Variants in IKZF5 observed in about 807,000 individuals in gnomAD.
IKZF5 encodes zinc finger protein Pegasus.
A neutral mutation model predicts 30.7 loss-of-function variants in IKZF5; 4 were observed. That is an observed-to-expected ratio of 0.13 (90% CI 0.06 to 0.30). IKZF5 has a LOEUF of 0.30. IKZF5 is among the 10% of genes least tolerant of loss of function. The pLI is 1.00. For missense variants in IKZF5, 348 were observed against 525.5 expected, an observed-to-expected ratio of 0.66 and a Z score of 3.30; for synonymous variants, 148 against 179.6, an observed-to-expected ratio of 0.82 and a Z score of 1.41.
Position 122,994,472 on chromosome 10 carries a change from C to T in IKZF5, c.568G>A (p.Gly190Ser). ...GVLQKKTSNL[G>S]YSRRALINLS... ...TTGATTAGTGCTCTTCTGCTATAGC[C>T]CAGATTGCTTGTTTTCTTCTGTAAA... Residue 190 changes from glycine (G) to serine (S), a missense_variant, in exon 5 of 5, where the codon GGC becomes AGC. Around this residue, in one of 4 missense-constraint regions of IKZF5, gnomAD observed 176 missense variants for 198.2 expected, o/e 0.89. Transcript: ENST00000368886. This position sits in a 1 kb window ranked among gnomAD's most constrained non-coding sequence, Gnocchi z 5.6. 1.2e-6 allele frequency: 2 copies of T among 1,614,056 alleles called. No homozygotes were observed. Among genetic ancestry groups the T allele is most frequent in the Non-Finnish European group, 1.7e-6 (2 of 1,179,998 alleles).
chr10:122,998,689 T>A lies in IKZF5; in HGVS notation c.-46-18A>T, dbSNP rs1849477537. On this transcript the variant is annotated intron_variant, in intron 2 of 4. Transcript: ENST00000368886. ...AAACAAAACTGAAACAATTTTACAC[T>A]ATTTAGGGAGATCTAGTACATAGCA... The A allele has an allele frequency of 1.4e-6, 2 of 1,427,948 alleles. No homozygotes were observed. The highest frequency in any genetic ancestry group is 3.6e-5 in the Admixed American group (2 of 55,816). 88.5% of individuals were successfully genotyped at this position (1,427,948 alleles called of 1,614,324 possible).
At chr10:122,999,495 C>T (rs2133398149) in intron 2 of IKZF5, among the ~76,000 whole-genome samples, 1 of 152,322 alleles carries the variant, frequency 6.6e-6, no homozygotes, top group South Asian at 2.1e-4. Context: ...GCTGCAATTA[C>T]TCAACTGTGT....
intron 2 of IKZF5, among the ~76,000 whole-genome samples, chr10:123,003,181 C>G (rs935364527): frequency 2.2e-5 from 3 of 135,322 alleles, no homozygotes; most frequent in Middle Eastern, 4.8e-3. Flanking sequence ...CAGGTGCCCG[C>G]TACCACACCC....
chr10:122,997,412 G>C (rs1849414960), intron 3 of IKZF5: 2 of 152,274 alleles, frequency 1.3e-5, no homozygotes, highest in South Asian at 4.1e-4. Flanking sequence ...ACAAGGCTCA[G>C]TGTCTTCCTC....
At chr10:123,002,620 C>G (rs1429287666) in intron 2 of IKZF5, among the ~76,000 whole-genome samples, 1 of 150,974 alleles carries the variant, frequency 6.6e-6, no homozygotes, top group Admixed American at 6.6e-5. Flanking sequence ...GTCAGGAGTT[C>G]GAGACCAGCC....
At position 122,998,662 on chromosome 10, in the gene IKZF5, G is replaced by A. The variant is rs1427459207; in HGVS notation, c.-37C>T. On this transcript the variant is annotated 5_prime_UTR_variant, in exon 3 of 5. Transcript: ENST00000368886. ...TAACATTTACAGTTTGTTAGACCTA[G>A]AAAACAAAACTGAAACAATTTTACA... The A allele has an allele frequency of 1.1e-5, 17 of 1,594,382 alleles. No individual in the cohort carries two copies. The highest frequency in any genetic ancestry group is 1.5e-5 in the Non-Finnish European group (17 of 1,168,020).
intron 3 of IKZF5, 118 bp from the exon 4 acceptor site, chr10:122,996,294 A>G (rs1849370849): frequency 1.2e-6 from 1 of 805,990 alleles, no homozygotes; most frequent in Non-Finnish European, 1.9e-6. Flanking sequence ...ACAAAAGTTA[A>G]GTCCATTTTA....
intron 2 of IKZF5, among the ~76,000 whole-genome samples, chr10:123,002,403 C>A (rs1452532609): frequency 6.6e-6 from 1 of 151,054 alleles, no homozygotes; most frequent in Non-Finnish European, 1.5e-5. Flanking sequence ...GCCTGTAATC[C>A]CTGCTTTTCG....
At chr10:122,998,341 T>C (rs1849459936) in intron 3 of IKZF5, 152 bp downstream of exon 3, 2 of 587,972 alleles carry the variant, frequency 3.4e-6, no homozygotes, top group Non-Finnish European at 5.7e-6. Flanking sequence ...AAGTCTGATA[T>C]GTTTAAAAAA....
chr10:123,002,177 G>A (rs994124858), intron 2 of IKZF5, among the ~76,000 whole-genome samples: 3 of 152,044 alleles, frequency 2.0e-5, no homozygotes, highest in South Asian at 4.1e-4. Context: ...CTTGTGAATC[G>A]TTCCTTTCCT....
intron 2 of IKZF5, among the ~76,000 whole-genome samples, chr10:123,003,505 T>C (rs1462949713): frequency 3.9e-5 from 6 of 152,192 alleles, no homozygotes; most frequent in Non-Finnish European, 7.3e-5. Context: ...TCAGCCTTAG[T>C]TTCCTATTTT....
intron 3 of IKZF5, 59 bp downstream of exon 3, chr10:122,998,434 A>G (rs1849465619): frequency 7.1e-7 from 1 of 1,417,780 alleles, no homozygotes; most frequent in Admixed American, 2.0e-5. Context: ...TAACAGCTAC[A>G]CGCAATCATA....
At position 123,008,761 on chromosome 10, in the gene IKZF5, G is replaced by T; in HGVS notation, c.-265C>A. 3.3e-6 allele frequency: 2 copies of T among 601,392 alleles called. No individual in the cohort carries two copies. The highest frequency in any genetic ancestry group is 5.9e-6 in the Non-Finnish European group (2 of 336,746). 37.3% of individuals were successfully genotyped at this position (601,392 alleles called of 1,614,324 possible). A position where few individuals can be genotyped will look rare whatever the true frequency, so the allele number is the denominator to read the frequency against. On this transcript the variant is annotated 5_prime_UTR_variant, in exon 1 of 5. Coordinates refer to ENST00000368886, the MANE Select transcript of IKZF5 (RefSeq NM_001372123.1). ...TGCCGTCGCCGCCGCCGCCGTCTTC[G>T]TCACCGTCACAGTCGCCGCCGCCAT...
At position 122,994,455 on chromosome 10, in the gene IKZF5, T is replaced by C; in HGVS notation, c.585A>G (p.Ala195=). ...KTSNLGYSRR[A]LINLSPPSMV... Reference sequence around the variant, plus strand: ...TGGAAGGTGGACTTAAGTTGATTAGTGCTCTTCTGCTATAGCCCAGATTGC... The same window carrying C: ...TGGAAGGTGGACTTAAGTTGATTAGCGCTCTTCTGCTATAGCCCAGATTGC... The change falls in exon 5 of 5, where the codon GCA becomes GCG. Residue 195 remains alanine (A), a synonymous_variant. Transcript: ENST00000368886. This position sits in a 1 kb window ranked among gnomAD's most constrained non-coding sequence, Gnocchi z 5.6. The C allele has an allele frequency of 4.3e-6, 7 of 1,614,204 alleles. No individual in the cohort carries two copies. Among genetic ancestry groups the C allele is most frequent in the Non-Finnish European group, 5.9e-6 (7 of 1,180,028 alleles).
At position 122,996,166 on chromosome 10, in the gene IKZF5, A is replaced by C; in HGVS notation, c.144T>G (p.Asp48Glu). Residue 48 changes from aspartate to glutamate, a missense_variant, in exon 4 of 5, where the codon GAT (aspartate) becomes GAG (glutamate). By Grantham distance (45) the Asp-to-Glu change is conservative. Transcript: ENST00000368886. ...GGTGATCAAGTCCATTTTGATCACC[A>C]TCTGTTCCAGCTATAAACAAAGTAC... is the stretch of plus-strand genomic sequence containing the variant. ...EAEALQGAGT[D>E]GDQNGLDHPS... 1 of 1,613,118 alleles carries C rather than the reference A, an allele frequency of 6.2e-7. No individual in the cohort carries two copies. The highest frequency in any genetic ancestry group is 8.5e-7 in the Non-Finnish European group (1 of 1,179,846).
chr10:122,998,335 C>A, intron 3 of IKZF5, 158 bp downstream of exon 3: 2 of 574,630 alleles, frequency 3.5e-6, no homozygotes, highest in Admixed American at 6.8e-5. Flanking sequence ...CAGCAGAAGT[C>A]TGATATGTTT....
At chr10:123,006,950 G>A (rs1316956859) in intron 2 of IKZF5, 76 bp downstream of exon 2, 1 of 152,148 alleles carries the variant, frequency 6.6e-6, no homozygotes, top group Non-Finnish European at 1.5e-5. Context: ...TGAGAAATCA[G>A]AAATCAAAAC....
intron 4 of IKZF5, among the ~76,000 whole-genome samples, chr10:122,995,124 C>A (rs1226051903): frequency 1.4e-5 from 2 of 147,938 alleles, no homozygotes; most frequent in African/African-American, 2.5e-5. Flanking sequence ...CACACATATG[C>A]ATACCCTTTG....
At chr10:123,001,276 G>A (rs1849573456) in intron 2 of IKZF5, among the ~76,000 whole-genome samples, 3 of 152,116 alleles carry the variant, frequency 2.0e-5, no homozygotes, top group African/African-American at 7.2e-5. Flanking sequence ...AAAGGGCTGG[G>A]ATTACAGACG....
Sources: gnomAD v4.1 joint callset for allele counts (sites outside exome capture counted in the v4.1 genomes callset) on GRCh38, gnomAD v4.1.1 for gene constraint, gnomAD v4.1.1 regional missense constraint, Gnocchi (gnomAD v3.1) non-coding constraint, MANE v1.5 for transcripts, NCBI Gene and HGNC (gene_info 2026-07-23, HGNC 2026-07-21) for gene names.